Variants in LRRC37B observed in about 807,000 individuals in gnomAD.
The protein encoded by LRRC37B is leucine-rich repeat-containing protein 37B.
LRRC37B carries 28 observed loss-of-function variants against 98.3 expected under a neutral mutation model. That is an observed-to-expected ratio of 0.28 (90% CI 0.21 to 0.39). The LOEUF is 0.39. Ranked by LOEUF, LRRC37B falls within the 10% of genes least tolerant of loss-of-function variation. The pLI is 1.00. For synonymous variants in LRRC37B, 364 were observed against 442.7 expected (o/e 0.82, Z 2.23); for missense variants, 938 against 1,182.7 (o/e 0.79, Z 3.03).
At chr17:32,024,883 C>T (rs182236674) in intron 2 of LRRC37B, 101 bp downstream of exon 5, 1 of 1,458,526 alleles carries the variant, frequency 6.9e-7, no homozygotes, top group African/African-American at 1.4e-5. Flanking sequence ...AAGATATTTC[C>T]CCTCCATACC....
chr17:32,021,719 C>T (rs749855332), exon 1 of LRRC37B: 22 of 1,614,210 alleles, frequency 1.4e-5, no homozygotes, highest in Middle Eastern at 1.7e-4. Context: ...CGCCCAAGAA[C>T]CTGAAGAAAG....
chr17:32,021,808 C>A, exon 1 of LRRC37B: 1 of 1,614,198 alleles, frequency 6.2e-7, no homozygotes, highest in Non-Finnish European at 8.5e-7. Context: ...CAGAAACAGA[C>A]TTTGCCAGAT....
chr17:32,050,029 C>T (rs1251059057), exon 11 of LRRC37B: 15 of 1,571,268 alleles, frequency 9.5e-6, no homozygotes, highest in Non-Finnish European at 1.3e-5. Flanking sequence ...CAGGAGATGA[C>T]TATAAGAACA....
intron 11 of LRRC37B, chr17:32,050,493 T>C (rs2142264114): frequency 4.2e-6 from 1 of 238,534 alleles, no homozygotes; most frequent in East Asian, 1.1e-4. Flanking sequence ...CCTCACGGAG[T>C]TGTAATCACC....
upstream of LRRC37B, chr17:32,007,806 G>C: frequency 8.4e-7 from 1 of 1,184,668 alleles, no homozygotes; most frequent in Non-Finnish European, 1.0e-6. The surrounding 1 kb of genome is among the most constrained non-coding windows in gnomAD (Gnocchi z 4.1). Flanking sequence ...GCCCAGGGTG[G>C]GCAGCAGTAG....
At chr17:32,034,786 T>C (rs1911201094) in intron 5 of LRRC37B, 124 bp from the exon 9 acceptor site, 2 of 677,232 alleles carry the variant, frequency 3.0e-6, no homozygotes, top group Admixed American at 2.5e-5. Flanking sequence ...TGGTGATTTA[T>C]TATGTAAAAG....
chr17:32,051,070 C>T (rs916402661), intron 11 of LRRC37B: 1 of 152,644 alleles, frequency 6.6e-6, no homozygotes, highest in Non-Finnish European at 1.5e-5. Context: ...CCAGTCACAC[C>T]GTCCCCATTG....
intron 7 of LRRC37B, among the ~76,000 whole-genome samples, chr17:32,036,976 ATTTTTTTTTTTTTTTT>A (rs71360793): frequency 3.9e-5 from 2 of 51,666 alleles, no homozygotes; most frequent in African/African-American, 1.5e-4. Flanking sequence ...CATCTTCAGC[ATTTTTTTTTTTTTTTT>A]TTTTTTTTTT....
chr17:32,040,843 T>C (rs1911405164), intron 7 of LRRC37B: 2 of 813,140 alleles, frequency 2.5e-6, no homozygotes, highest in Non-Finnish European at 2.2e-6. Flanking sequence ...CAGAACTTCA[T>C]TGACCTCCTC....
At chr17:32,017,181 G>A (rs184184745), upstream of LRRC37B, 4 of 152,280 alleles carry the variant, frequency 2.6e-5, no homozygotes, top group African/African-American at 9.6e-5. Context: ...TGTCTGTAGA[G>A]CATGTGGGCC....
chr17:32,013,165 G>A (rs142770630), intron 1 of LRRC37B, among the ~76,000 whole-genome samples: 84 of 151,834 alleles, frequency 5.5e-4, no homozygotes, highest in African/African-American at 1.7e-3. Context: ...CATGATATTC[G>A]TTTACTTTCA....
chr17:32,029,511 A>G (rs1056311649), intron 3 of LRRC37B, among the ~76,000 whole-genome samples: 1 of 152,028 alleles, frequency 6.6e-6, no homozygotes, highest in Non-Finnish European at 1.5e-5. Flanking sequence ...AAGAGGGGAA[A>G]ATGACTTCAG....
At chr17:32,012,499 C>G (rs1418775909) in intron 1 of LRRC37B, among the ~76,000 whole-genome samples, 1 of 151,740 alleles carries the variant, frequency 6.6e-6, no homozygotes, top group African/African-American at 2.4e-5. Context: ...GGTGGATCAC[C>G]TGAGGTCAGG....
At chr17:32,008,062 T>C in exon 1 of LRRC37B, 1 of 509,316 alleles carries the variant, frequency 2.0e-6, no homozygotes, top group South Asian at 1.9e-5. Flanking sequence ...ACTCCGATTA[T>C]CCGGAGGAGC....
chr17:32,022,930 A>G (rs1312279077), intron 1 of LRRC37B, 105 bp downstream of exon 4: 4 of 1,109,326 alleles, frequency 3.6e-6, no homozygotes, highest in South Asian at 2.7e-5. Flanking sequence ...CCATACTGAC[A>G]AGTGACTTTC....
chr17:32,045,742 A>C, exon 8 of LRRC37B: 6 of 1,603,196 alleles, frequency 3.7e-6, no homozygotes, highest in Non-Finnish European at 5.1e-6. Context: ...GCCAATTTAA[A>C]AATAGCATTG....
At chr17:32,039,765 G>A (rs1170400906) in intron 7 of LRRC37B, among the ~76,000 whole-genome samples, 1 of 150,846 alleles carries the variant, frequency 6.6e-6, no homozygotes, top group Admixed American at 6.6e-5. Context: ...GCATGGAAAG[G>A]GCCCTTCATT....
At position 32,031,574 on chromosome 17, in the gene LRRC37B, C is replaced by T; in HGVS notation, c.2057+116C>T. On this transcript the variant is annotated intron_variant, in intron 5 of 11. Transcript: ENST00000327564. ...AACTCTGAAAAGTGTGTCTTAAGAT[C>T]CATTCGTTTTTCTCAAATGGGGAAA... The T allele has an allele frequency of 3.1e-6, 4 of 1,285,938 alleles. No individual in the cohort carries two copies. The South Asian group carries it at 5.8e-5, about 19-fold the overall frequency. The allele number at this position is 1,285,938 out of a possible 1,614,324, so 79.7% of individuals were successfully genotyped here. A position where few individuals can be genotyped will look rare whatever the true frequency, so the allele number is the denominator to read the frequency against.
chr17:32,039,540 A>G (rs1241683400), intron 7 of LRRC37B, among the ~76,000 whole-genome samples: 93 of 116,698 alleles, frequency 8.0e-4, no homozygotes, highest in African/African-American at 3.2e-3. Flanking sequence ...ATTTTTATAT[A>G]TATTTCTATA....
Sources: allele counts gnomAD v4.1 joint callset (sites outside exome capture counted in the v4.1 genomes callset), GRCh38; gene constraint gnomAD v4.1.1; non-coding constraint Gnocchi (gnomAD v3.1); transcripts MANE v1.5; gene names NCBI Gene and HGNC (gene_info 2026-07-23, HGNC 2026-07-21).